ESRRG: variants seen among roughly 807,000 people sequenced by gnomAD.
The protein encoded by ESRRG is estrogen related receptor gamma.
In ESRRG, 13 loss-of-function variants were observed where a neutral mutation model predicts 44.0. The ratio of observed to expected loss-of-function variants is 0.30; its 90% CI spans 0.19 to 0.47. ESRRG has a LOEUF of 0.47. ESRRG is among the 20% of genes least tolerant of loss of function. ESRRG has a pLI of 1.00. For synonymous variants in ESRRG, 215 were observed against 214.6 expected (o/e 1.00, Z -0.02); for missense variants, 395 against 580.6 (o/e 0.68, Z 3.29).
intron 1 of ESRRG, chr1:217,089,441 AT>A (rs1335290334): frequency 6.6e-6 from 1 of 151,990 alleles, no homozygotes; most frequent in Non-Finnish European, 1.5e-5. Flanking sequence ...AGGACTGCAA[AT>A]AAAGAATGCC....
At chr1:216,880,992 G>T (rs2096437406) in intron 2 of ESRRG, among the ~76,000 whole-genome samples, 1 of 152,114 alleles carries the variant, frequency 6.6e-6, no homozygotes, top group Non-Finnish European at 1.5e-5. Flanking sequence ...AATTGAAAAT[G>T]AGTTGTTCTG....
intron 3 of ESRRG, among the ~76,000 whole-genome samples, chr1:216,623,716 C>T (rs1035460546): frequency 6.6e-6 from 1 of 152,028 alleles, no homozygotes; most frequent in Non-Finnish European, 1.5e-5. Flanking sequence ...GGAGACATAA[C>T]CTCTAAATGG....
rs539097194 is a variant in ESRRG, at chr1:216,509,730, A to G, written c.1133-2547T>C. On this transcript the variant is annotated intron_variant, in intron 6 of 6. Coordinates refer to ENST00000408911, the MANE Select transcript of ESRRG (RefSeq NM_001438.4). ...TGATAATTTAACTTCCCATTTATAG[A>G]AAAGATTCTAACTCATTTTAGCTTT... 7.9e-5 allele frequency among the ~76,000 whole-genome samples: 12 copies of G among 152,374 alleles called. No individual in the cohort carries two copies. In the South Asian group the frequency reaches 2.5e-3, roughly 32 times the overall value.
chr1:217,006,634 A>C (rs2077775706), intron 1 of ESRRG, among the ~76,000 whole-genome samples: 1 of 152,106 alleles, frequency 6.6e-6, no homozygotes. Context: ...TGAGAATGGG[A>C]CTCAAGTCTA....
upstream of ESRRG, among the ~76,000 whole-genome samples, chr1:216,723,859 A>T (rs180885835): frequency 6.6e-6 from 1 of 152,220 alleles, no homozygotes; most frequent in East Asian, 1.9e-4. Context: ...GAACTCACGC[A>T]GACTCTCAGT....
chr1:216,924,705 T>C (rs1383151118), intron 2 of ESRRG, among the ~76,000 whole-genome samples: 1 of 152,180 alleles, frequency 6.6e-6, no homozygotes, highest in Admixed American at 6.5e-5. Context: ...GAAAGGCTCA[T>C]GTCATGGCTT....
chr1:216,993,405 C>T (rs2075988563), intron 1 of ESRRG, among the ~76,000 whole-genome samples: 2 of 152,166 alleles, frequency 1.3e-5, no homozygotes, highest in Non-Finnish European at 1.5e-5. Context: ...GCAAAATTCA[C>T]ACATATTAAT....
intron 2 of ESRRG, among the ~76,000 whole-genome samples, chr1:216,839,072 C>G (rs961941865): frequency 6.6e-6 from 1 of 152,144 alleles, no homozygotes; most frequent in Admixed American, 6.5e-5. Context: ...TACTACCCAC[C>G]ATAAAACTTC....
chr1:216,517,817 A>G (rs904787740), intron 6 of ESRRG, among the ~76,000 whole-genome samples: 2 of 152,128 alleles, frequency 1.3e-5, no homozygotes, highest in African/African-American at 4.8e-5. Flanking sequence ...TTATAATTTC[A>G]CAGGAGCGTA....
intron 2 of ESRRG, among the ~76,000 whole-genome samples, chr1:216,830,268 C>T (rs984764111): frequency 2.0e-5 from 3 of 152,108 alleles, no homozygotes; most frequent in South Asian, 4.1e-4. Flanking sequence ...ACTGAGGCCA[C>T]GGAGGAACAA....
At chr1:216,561,714 T>TA (rs1040825860) in intron 5 of ESRRG, among the ~76,000 whole-genome samples, 3 of 151,640 alleles carry the variant, frequency 2.0e-5, no homozygotes, top group African/African-American at 7.3e-5. Context: ...ATTTTTTTTT[T>TA]AAATTTCTGT....
chr1:216,760,372 G>GTA (rs997688978), intron 2 of ESRRG, among the ~76,000 whole-genome samples: 16 of 151,502 alleles, frequency 1.1e-4, no homozygotes, highest in Non-Finnish European at 1.6e-4. Flanking sequence ...ATATATATGT[G>GTA]TATATATATA....
At chr1:216,514,156 T>A (rs542078886) in intron 6 of ESRRG, among the ~76,000 whole-genome samples, 1 of 152,284 alleles carries the variant, frequency 6.6e-6, no homozygotes, top group South Asian at 2.1e-4. Context: ...AGCCAGCTTT[T>A]ATGTTTTTTA....
At chr1:216,955,509 GTAGA>G (rs2067785329) in intron 1 of ESRRG, among the ~76,000 whole-genome samples, 1 of 152,132 alleles carries the variant, frequency 6.6e-6, no homozygotes, top group South Asian at 2.1e-4. Context: ...ACATAAGAGT[GTAGA>G]TATCTCTTTG....
intron 1 of ESRRG, among the ~76,000 whole-genome samples, chr1:217,008,974 A>C (rs1185653680): frequency 1.3e-5 from 2 of 152,224 alleles, no homozygotes; most frequent in Non-Finnish European, 2.9e-5. Context: ...ACCTGATGTG[A>C]TCATATTTGA....
chr1:217,118,500 G>A (rs1389510865), intron 1 of ESRRG, among the ~76,000 whole-genome samples: 1 of 152,068 alleles, frequency 6.6e-6, no homozygotes, highest in Non-Finnish European at 1.5e-5. Context: ...CATCAAGATC[G>A]ACAAGAAGAA....
intron 1 of ESRRG, among the ~76,000 whole-genome samples, chr1:216,947,494 G>A (rs370489441): frequency 2.0e-4 from 30 of 152,242 alleles, no homozygotes; most frequent in African/African-American, 7.2e-4. Flanking sequence ...TTCCTCAGAT[G>A]TATTTTTTTC....
chr1:216,773,553 A>C (rs1156542457), intron 2 of ESRRG, among the ~76,000 whole-genome samples: 1 of 152,122 alleles, frequency 6.6e-6, no homozygotes, highest in African/African-American at 2.4e-5. Flanking sequence ...ACTTAATAAG[A>C]GGGACAAAAA....
At chr1:217,103,272 G>A (rs2092544110) in intron 1 of ESRRG, among the ~76,000 whole-genome samples, 1 of 152,048 alleles carries the variant, frequency 6.6e-6, no homozygotes, top group South Asian at 2.1e-4. Context: ...GGAAGATGAA[G>A]TGTGAGGCAG....
Sources: allele counts gnomAD v4.1 joint callset (sites outside exome capture counted in the v4.1 genomes callset), GRCh38; gene constraint gnomAD v4.1.1; transcripts MANE v1.5; gene names NCBI Gene and HGNC (gene_info 2026-07-23, HGNC 2026-07-21).